The following COMMD1 variants were observed in gnomAD, a reference collection of about 807,000 sequenced individuals.
The protein encoded by COMMD1 is COMM domain-containing protein 1.
Under a neutral mutation model 17.2 loss-of-function variants are expected in COMMD1, and 10 were observed. That is an observed-to-expected ratio of 0.58 (90% CI 0.36 to 0.99). The LOEUF is 0.99. COMMD1 is among the 50% of genes least tolerant of loss of function. COMMD1 has a pLI of 0.01. For synonymous variants in COMMD1, 97 were observed against 91.6 expected, an observed-to-expected ratio of 1.06 and a Z score of -0.34; for missense variants, 270 against 231.8, an observed-to-expected ratio of 1.17 and a Z score of -1.07.
intron 1 of COMMD1, chr2:61,915,700 T>C (rs1470673771): frequency 2.2e-6 from 1 of 453,550 alleles, no homozygotes; most frequent in Non-Finnish European, 4.4e-6. Flanking sequence ...TCTCCCCATA[T>C]CGTCCAGGGT....
intron 1 of COMMD1, among the ~76,000 whole-genome samples, chr2:61,910,194 T>C (rs1409943833): frequency 1.3e-5 from 2 of 152,134 alleles, no homozygotes; most frequent in Non-Finnish European, 2.9e-5. Context: ...TAACATCCTA[T>C]AGATAAATAC....
At chr2:61,924,626 G>A (rs1260504285) in intron 1 of COMMD1, among the ~76,000 whole-genome samples, 1 of 152,156 alleles carries the variant, frequency 6.6e-6, no homozygotes, top group Non-Finnish European at 1.5e-5. Context: ...GTTACAGTGA[G>A]TGAAGAAAGC....
At chr2:62,108,739 C>T (rs549449512) in intron 2 of COMMD1, among the ~76,000 whole-genome samples, 1 of 152,262 alleles carries the variant, frequency 6.6e-6, no homozygotes, top group African/African-American at 2.4e-5. Flanking sequence ...TAAAAAAAAT[C>T]ATTCTGCGAA....
chr2:62,123,539 AGG>A, intron 2 of COMMD1, among the ~76,000 whole-genome samples: 1 of 145,340 alleles, frequency 6.9e-6, no homozygotes, highest in African/African-American at 2.8e-5. Context: ...AAAAACAGGA[AGG>A]AAGGAAGGAA....
At chr2:61,904,252 C>T (rs1007466599), upstream of COMMD1, among the ~76,000 whole-genome samples, 3 of 152,170 alleles carry the variant, frequency 2.0e-5, no homozygotes. Context: ...ACCTCGTGAT[C>T]CGTCTGCCTC....
intron 2 of COMMD1, among the ~76,000 whole-genome samples, chr2:62,034,088 CAAAAAA>C (rs34439318): frequency 4.8e-5 from 3 of 62,576 alleles, no homozygotes; most frequent in African/African-American, 1.0e-4. Context: ...GACCCTGTCT[CAAAAAA>C]AAAAAAAAAA....
At chr2:61,905,547 G>T (rs1669746596), upstream of COMMD1, 5 of 835,296 alleles carry the variant, frequency 6.0e-6, no homozygotes, top group South Asian at 9.1e-5. Context: ...TGCCAACTCT[G>T]ACCCCTGGGG....
chr2:62,055,596 A>G, intron 2 of COMMD1: 2 of 385,456 alleles, frequency 5.2e-6, no homozygotes, highest in South Asian at 3.8e-5. Context: ...TCAAAAGAAG[A>G]AAATGTGAAT....
chr2:61,986,225 C>A (rs532040887), intron 1 of COMMD1, among the ~76,000 whole-genome samples: 1 of 151,896 alleles, frequency 6.6e-6, no homozygotes, highest in African/African-American at 2.4e-5. Flanking sequence ...TATAAGGGTT[C>A]CACTGAAAAG....
At chr2:61,974,626 C>G (rs540691868) in intron 1 of COMMD1, among the ~76,000 whole-genome samples, 104 of 143,516 alleles carry the variant, frequency 7.2e-4, no homozygotes, top group African/African-American at 2.5e-3. Context: ...AAGCTGAGAT[C>G]GTGCCACTGC....
At chr2:62,044,443 C>A (rs1295806822) in intron 2 of COMMD1, among the ~76,000 whole-genome samples, 2 of 152,180 alleles carry the variant, frequency 1.3e-5, no homozygotes, top group Non-Finnish European at 2.9e-5. Flanking sequence ...GATCCTTTTA[C>A]TGATTTCTGT....
At chr2:62,087,464 G>A (rs1374691173) in intron 2 of COMMD1, among the ~76,000 whole-genome samples, 1 of 152,210 alleles carries the variant, frequency 6.6e-6, no homozygotes, top group Non-Finnish European at 1.5e-5. Flanking sequence ...ACCTTGATAA[G>A]TGGGGGCATG....
intron 1 of COMMD1, among the ~76,000 whole-genome samples, chr2:61,893,188 AGCTT>A (rs1669476385): frequency 6.6e-6 from 1 of 151,774 alleles, no homozygotes; most frequent in Non-Finnish European, 1.5e-5. Context: ...TTTTAAGTTT[AGCTT>A]GCAATAGTAA....
intron 2 of COMMD1, among the ~76,000 whole-genome samples, chr2:62,041,684 G>C (rs1048466559): frequency 1.3e-5 from 2 of 152,116 alleles, no homozygotes; most frequent in African/African-American, 2.4e-5. Context: ...GTGGGTTCTT[G>C]GTCTCGCTGA....
intron 1 of COMMD1, among the ~76,000 whole-genome samples, chr2:61,998,932 A>T (rs551963414): frequency 6.6e-6 from 1 of 152,212 alleles, no homozygotes; most frequent in Non-Finnish European, 1.5e-5. Flanking sequence ...GGCATGTTTC[A>T]TGGCGCCCTG....
chr2:62,033,354 C>T (rs942748845), intron 2 of COMMD1, among the ~76,000 whole-genome samples: 4 of 152,212 alleles, frequency 2.6e-5, no homozygotes, highest in African/African-American at 9.6e-5. Flanking sequence ...ACTTACCTTT[C>T]TCCTCAGTTA....
chr2:61,931,619 C>A (rs1670469359), intron 1 of COMMD1, among the ~76,000 whole-genome samples: 1 of 152,192 alleles, frequency 6.6e-6, no homozygotes, highest in Admixed American at 6.5e-5. Flanking sequence ...TTTATGAGTT[C>A]ATTTCAGGTG....
At chr2:61,999,334 G>A (rs902359891) in intron 1 of COMMD1, among the ~76,000 whole-genome samples, 7 of 152,096 alleles carry the variant, frequency 4.6e-5, no homozygotes, top group African/African-American at 1.4e-4. Context: ...AGATTCAATG[G>A]CAATTAACTT....
At chr2:62,072,688 T>C (rs750144239) in intron 2 of COMMD1, among the ~76,000 whole-genome samples, 1 of 152,360 alleles carries the variant, frequency 6.6e-6, no homozygotes, top group East Asian at 1.9e-4. Flanking sequence ...TTCTGCTCCC[T>C]TGGGGCTCCA....
Sources: allele counts gnomAD v4.1 joint callset (sites outside exome capture counted in the v4.1 genomes callset), GRCh38; gene constraint gnomAD v4.1.1; transcripts MANE v1.5; gene names NCBI Gene and HGNC (gene_info 2026-07-23, HGNC 2026-07-21).